MACROD2: variants seen among roughly 807,000 people sequenced by gnomAD.
MACROD2 encodes the protein ADP-ribose glycohydrolase MACROD2.
MACROD2 carries 36 observed loss-of-function variants against 70.4 expected under a neutral mutation model. The observed-to-expected ratio is 0.51, with a 90% CI of 0.39 to 0.68. The LOEUF is 0.68. Ranked by LOEUF, MACROD2 falls within the 30% of genes least tolerant of loss-of-function variation. The pLI, the probability that MACROD2 is intolerant of heterozygous loss-of-function variation, is 0.00. For synonymous variants in MACROD2, 172 were observed against 178.8 expected (o/e 0.96, Z 0.30); for missense variants, 496 against 538.4 (o/e 0.92, Z 0.78).
chr20:14,869,416 C>T (rs1316007279), intron 5 of MACROD2, among the ~76,000 whole-genome samples: 2 of 151,990 alleles, frequency 1.3e-5, no homozygotes, highest in East Asian at 1.9e-4. Context: ...CAAGGAAAGC[C>T]GTCATTAGCT....
intron 7 of MACROD2, among the ~76,000 whole-genome samples, chr20:15,497,727 T>G (rs1022992955): frequency 3.9e-5 from 6 of 152,188 alleles, no homozygotes; most frequent in Admixed American, 3.3e-4. Flanking sequence ...GTTCCCCATT[T>G]TACAGCCCTC....
rs368012540 is a variant in MACROD2, at chr20:15,005,950, T to C, written c.419-223990T>C. 9.2e-5 allele frequency among the ~76,000 whole-genome samples: 14 copies of C among 152,284 alleles called. No homozygotes were observed. The East Asian group carries it at 2.7e-3, about 29-fold the overall frequency. On this transcript the variant is annotated intron_variant, in intron 5 of 17. Coordinates refer to ENST00000684519, the MANE Select transcript of MACROD2 (RefSeq NM_001351661.2). Reference sequence around the variant, plus strand: ...TTAAAATAAAGGATTTGGAATCATATAATGATATAAACTTTTGTAATATAT... The same window carrying C: ...TTAAAATAAAGGATTTGGAATCATACAATGATATAAACTTTTGTAATATAT...
chr20:15,718,151 G>A (rs773953691), intron 8 of MACROD2, among the ~76,000 whole-genome samples: 38 of 151,260 alleles, frequency 2.5e-4, no homozygotes, highest in Non-Finnish European at 1.0e-4. Flanking sequence ...GATTACAGGC[G>A]CTAATTTTTG....
intron 10 of MACROD2, among the ~76,000 whole-genome samples, chr20:15,901,415 G>A (rs1030476732): frequency 5.3e-5 from 8 of 152,086 alleles, no homozygotes; most frequent in Non-Finnish European, 2.9e-5. Context: ...CTGGACTCTC[G>A]ATGTGATAGT....
At chr20:16,011,667 T>C (rs2066864685) in intron 15 of MACROD2, among the ~76,000 whole-genome samples, 1 of 152,154 alleles carries the variant, frequency 6.6e-6, no homozygotes, top group African/African-American at 2.4e-5. Flanking sequence ...TTGTGAGGTG[T>C]GCAGTGTAGG....
At chr20:14,790,500 A>G (rs1198326536) in intron 5 of MACROD2, among the ~76,000 whole-genome samples, 1 of 152,140 alleles carries the variant, frequency 6.6e-6, no homozygotes, top group Non-Finnish European at 1.5e-5. Context: ...AAAAGAGTAC[A>G]CCATTTCCCA....
chr20:14,206,049 G>A (rs1016274724), intron 3 of MACROD2, among the ~76,000 whole-genome samples: 1 of 152,166 alleles, frequency 6.6e-6, no homozygotes, highest in Admixed American at 6.5e-5. Context: ...TGTAGCATTG[G>A]TTCTCCATCA....
At chr20:15,049,201 A>T (rs867101102) in intron 5 of MACROD2, among the ~76,000 whole-genome samples, 6 of 152,110 alleles carry the variant, frequency 3.9e-5, no homozygotes, top group Non-Finnish European at 7.4e-5. Context: ...AGTAATGCCT[A>T]TAGAGATCAG....
intron 9 of MACROD2, among the ~76,000 whole-genome samples, chr20:15,882,612 G>A (rs150470800): frequency 6.6e-6 from 1 of 152,010 alleles, no homozygotes. Flanking sequence ...ATTGAGAGAC[G>A]GTAGTGAGGG....
intron 3 of MACROD2, among the ~76,000 whole-genome samples, chr20:14,437,324 G>T (rs2084067607): frequency 6.6e-6 from 1 of 152,178 alleles, no homozygotes; most frequent in African/African-American, 2.4e-5. Flanking sequence ...GCCGGATGCA[G>T]TGGCTCACAC....
chr20:15,178,430 A>G (rs2076477473), intron 5 of MACROD2, among the ~76,000 whole-genome samples: 1 of 152,176 alleles, frequency 6.6e-6, no homozygotes, highest in African/African-American at 2.4e-5. Context: ...TGGTTATGAC[A>G]TTTGTCCAAA....
intron 3 of MACROD2, among the ~76,000 whole-genome samples, chr20:14,347,709 T>A (rs918794522): frequency 6.6e-6 from 1 of 152,170 alleles, no homozygotes; most frequent in South Asian, 2.1e-4. Context: ...ATTCCTTGGC[T>A]AAGAAAGGGT....
chr20:14,093,602 C>T (rs1358441825), intron 3 of MACROD2, among the ~76,000 whole-genome samples: 1 of 151,514 alleles, frequency 6.6e-6, no homozygotes, highest in Non-Finnish European at 1.5e-5. Context: ...ATGCTTAGCT[C>T]TTTACGGTTA....
At chr20:15,234,017 T>C (rs1350790958) in intron 6 of MACROD2, among the ~76,000 whole-genome samples, 4 of 10,240 alleles carry the variant, frequency 3.9e-4, no homozygotes, top group Non-Finnish European at 7.7e-4. Flanking sequence ...ATATTCTTTT[T>C]TTTTTTTTTT....
chr20:15,863,229 A>G (rs2064449249), intron 9 of MACROD2, among the ~76,000 whole-genome samples: 1 of 152,112 alleles, frequency 6.6e-6, no homozygotes, highest in Non-Finnish European at 1.5e-5. Flanking sequence ...AAGCCCATTT[A>G]TATTCATAGT....
intron 7 of MACROD2, among the ~76,000 whole-genome samples, chr20:15,461,006 A>ATTTTTTTTTTTTTTT (rs951397131): frequency 1.5e-5 from 1 of 66,986 alleles, no homozygotes; most frequent in African/African-American, 4.2e-5. Context: ...ATATATATAT[A>ATTTTTTTTTTTTTTT]TTTTTTTTTA....
chr20:14,897,739 T>G lies in MACROD2; in HGVS notation c.418+212780T>G, dbSNP rs190903556. Reference sequence around the variant, plus strand: ...GCTGCTGTAACAGAATACCATAGACTAGGTGGCATATAAAAAACAAATTTA... The same window carrying G: ...GCTGCTGTAACAGAATACCATAGACGAGGTGGCATATAAAAAACAAATTTA... On this transcript the variant is annotated intron_variant, in intron 5 of 17. Transcript: ENST00000684519. Among the ~76,000 whole-genome samples, 244 of 152,282 alleles carry G rather than the reference T, an allele frequency of 1.6e-3. 1 individual carries two copies. The highest frequency in any genetic ancestry group is 5.5e-3 in the African/African-American group (227 of 41,566).
chr20:15,694,140 C>T (rs117074103), intron 8 of MACROD2, among the ~76,000 whole-genome samples: 9,999 of 152,156 alleles, frequency 0.066, 455 homozygotes, highest in South Asian at 0.19. Context: ...GTTGGTTGCA[C>T]GGTTTTGCTG....
chr20:15,742,725 A>T (rs1210372836), intron 8 of MACROD2, among the ~76,000 whole-genome samples: 2 of 152,200 alleles, frequency 1.3e-5, no homozygotes, highest in African/African-American at 2.4e-5. Flanking sequence ...AATTTCTTTT[A>T]GCTCCCCTTT....
Sources: allele counts gnomAD v4.1 joint callset (sites outside exome capture counted in the v4.1 genomes callset), GRCh38; gene constraint gnomAD v4.1.1; transcripts MANE v1.5; gene names NCBI Gene and HGNC (gene_info 2026-07-23, HGNC 2026-07-21).